The following GRAMD4 variants were observed in gnomAD, a reference collection of about 807,000 sequenced individuals.
The protein encoded by GRAMD4 is GRAM domain-containing protein 4.
GRAMD4 carries 25 observed loss-of-function variants against 83.9 expected under a neutral mutation model. The observed-to-expected ratio is 0.30, with a 90% CI of 0.22 to 0.42. GRAMD4 has a LOEUF of 0.42. Ranked by LOEUF, GRAMD4 falls within the 10% of genes least tolerant of loss-of-function variation. The pLI is 1.00. For synonymous variants in GRAMD4, 336 were observed against 320.9 expected (o/e 1.05, Z -0.50); for missense variants, 593 against 788.7 (o/e 0.75, Z 2.97).
chr22:46,603,201 G>GTTTTTTTTTTT (rs569545888), intron 1 of GRAMD4, among the ~76,000 whole-genome samples: 1 of 89,414 alleles, frequency 1.1e-5, no homozygotes, highest in African/African-American at 4.7e-5. Flanking sequence ...ATCTTCTCTT[G>GTTTTTTTTTTT]TTTTTTTTTT....
At chr22:46,653,851 A>G (rs2082202862) in intron 3 of GRAMD4, among the ~76,000 whole-genome samples, 2 of 152,156 alleles carry the variant, frequency 1.3e-5, no homozygotes, top group African/African-American at 2.4e-5. Context: ...TCCGCCCAAG[A>G]GGCCTGCCGG....
At chr22:46,653,994 G>A (rs933120148) in intron 3 of GRAMD4, among the ~76,000 whole-genome samples, 3 of 152,226 alleles carry the variant, frequency 2.0e-5, no homozygotes, top group Non-Finnish European at 2.9e-5. Context: ...AGCTGGCTCC[G>A]AATTTGGGAC....
At chr22:46,634,551 CA>C (rs1446919348) in intron 2 of GRAMD4, among the ~76,000 whole-genome samples, 1 of 152,202 alleles carries the variant, frequency 6.6e-6, no homozygotes, top group African/African-American at 2.4e-5. Context: ...GGTCCACAGT[CA>C]GGGGTCCTGG....
intron 3 of GRAMD4, among the ~76,000 whole-genome samples, chr22:46,640,828 C>T (rs1234645290): frequency 3.3e-5 from 5 of 150,974 alleles, no homozygotes; most frequent in Admixed American, 2.0e-4. Context: ...CCCGGCCCCC[C>T]GCCCCCCGCC....
rs1409564021 is a variant in GRAMD4, at chr22:46,679,386, GT to G, written c.*2136del. The G allele has an allele frequency of 3.0e-6, 3 of 985,316 alleles. No individual in the cohort carries two copies. The highest frequency in any genetic ancestry group is 3.6e-6 in the Non-Finnish European group (3 of 829,938). The allele number at this position is 985,316 out of a possible 1,614,324, so 61.0% of individuals were successfully genotyped here. On this transcript the variant is annotated 3_prime_UTR_variant, in exon 19 of 19. Coordinates refer to ENST00000406902, the MANE Select transcript of GRAMD4 (RefSeq NM_015124.5). The stretch of plus-strand genomic sequence containing the variant: ...GAGGGCCACATTCGGGGAGCGGGGG[GT>G]CGGGGGAGGGCCACCGACTGGCTCT...
At chr22:46,610,319 G>A (rs945313709) in intron 1 of GRAMD4, among the ~76,000 whole-genome samples, 61 of 152,214 alleles carry the variant, frequency 4.0e-4, no homozygotes, top group Non-Finnish European at 7.8e-4. Flanking sequence ...TTCTGTGAGC[G>A]TTCTTATTCT....
Position 46,668,785 on chromosome 22 carries a change from C to T in GRAMD4, c.975-14C>T, listed in dbSNP as rs763580713. 1.5e-5 allele frequency: 21 copies of T among 1,394,008 alleles called. No homozygotes were observed. The South Asian group carries it at 2.3e-4, about 15-fold the overall frequency. 86.4% of individuals were successfully genotyped at this position (1,394,008 alleles called of 1,614,324 possible). On this transcript the variant is annotated splice_polypyrimidine_tract_variant and intron_variant, in intron 12 of 18. Transcript: ENST00000406902. ...GCGGCGCCCGCCCGGCCTGAGCCTCCCGTCTCCTTCCAGCTTGTTCATGTG... is the reference window on the plus strand; with the variant it reads ...GCGGCGCCCGCCCGGCCTGAGCCTCTCGTCTCCTTCCAGCTTGTTCATGTG...
At chr22:46,666,267 T>C (rs1000888088) in intron 9 of GRAMD4, among the ~76,000 whole-genome samples, 1 of 152,208 alleles carries the variant, frequency 6.6e-6, no homozygotes, top group Non-Finnish European at 1.5e-5. Context: ...GGTGGACCCC[T>C]AGTCCCTGCA....
intron 5 of GRAMD4, among the ~76,000 whole-genome samples, chr22:46,661,733 G>A (rs1262038152): frequency 2.6e-5 from 4 of 152,252 alleles, no homozygotes; most frequent in African/African-American, 4.8e-5. Context: ...GAATACACAC[G>A]TACTCTGTTT....
At chr22:46,634,652 C>A (rs2081831500) in intron 2 of GRAMD4, among the ~76,000 whole-genome samples, 1 of 152,104 alleles carries the variant, frequency 6.6e-6, no homozygotes, top group African/African-American at 2.4e-5. Context: ...TAAAAATATT[C>A]ATAATAGGCT....
intron 1 of GRAMD4, among the ~76,000 whole-genome samples, chr22:46,585,378 C>G (rs767346407): frequency 6.6e-6 from 1 of 152,066 alleles, no homozygotes; most frequent in African/African-American, 2.4e-5. Flanking sequence ...TTAGTAGAGT[C>G]GGAGTTTCTC....
intron 3 of GRAMD4, among the ~76,000 whole-genome samples, chr22:46,643,092 C>G (rs140943162): frequency 9.2e-3 from 14 of 1,522 alleles, no homozygotes; most frequent in South Asian, 0.031. Context: ...TTTATCCATC[C>G]ATCCATCCAT....
chr22:46,638,065 G>A (rs1480805371), intron 3 of GRAMD4, 105 bp downstream of exon 3: 16 of 1,234,242 alleles, frequency 1.3e-5, no homozygotes, highest in Middle Eastern at 2.2e-4. Context: ...GAAGACCCAC[G>A]CAGGCTCCAT....
chr22:46,620,468 A>G lies in GRAMD4; in HGVS notation c.-147A>G. ...GCTGGTGTTGGGCGGCTTGGAGGCT[A>G]TGGTTCCTGGGTCCTCGTAGCACAT... On this transcript the variant is annotated 5_prime_UTR_variant, in exon 1 of 19. The change abolishes an upstream ATG in the 5' untranslated region. Coordinates refer to ENST00000406902, the MANE Select transcript of GRAMD4 (RefSeq NM_015124.5). The surrounding 1 kb of genome is among the most constrained non-coding windows in gnomAD (Gnocchi z 4.7). The G allele has an allele frequency of 3.2e-5, 32 of 984,742 alleles. No homozygotes were observed. The highest frequency in any genetic ancestry group is 3.9e-5 in the Non-Finnish European group (32 of 829,692). 61.0% of individuals were successfully genotyped at this position (984,742 alleles called of 1,614,324 possible). A position where few individuals can be genotyped will look rare whatever the true frequency, so the allele number is the denominator to read the frequency against.
Position 46,626,786 on chromosome 22 carries a change from C to T in GRAMD4, c.-14C>T, listed in dbSNP as rs755133293. The T allele has an allele frequency of 1.2e-6, 2 of 1,613,102 alleles. No homozygotes were observed. Among genetic ancestry groups the T allele is most frequent in the Middle Eastern group, 1.7e-4 (1 of 6,058 alleles). ...CGTCATGTTAGGGTGAAGCAGAGGA[C>T]CTCAGTGCTGAACATGCTAAGGAGG... On this transcript the variant is annotated 5_prime_UTR_variant, in exon 2 of 19. Transcript: ENST00000406902.
intron 1 of GRAMD4, among the ~76,000 whole-genome samples, chr22:46,625,971 G>A (rs1215382863): frequency 6.6e-6 from 1 of 152,262 alleles, no homozygotes; most frequent in Non-Finnish European, 1.5e-5. Context: ...GCAGGCATGG[G>A]GGCTGGGACA....
intron 3 of GRAMD4, among the ~76,000 whole-genome samples, chr22:46,643,743 A>G (rs2082024573): frequency 6.6e-6 from 1 of 152,202 alleles, no homozygotes; most frequent in Non-Finnish European, 1.5e-5. Flanking sequence ...TTCCTCATGA[A>G]GAGACTCAGG....
intron 1 of GRAMD4, among the ~76,000 whole-genome samples, chr22:46,601,291 G>T (rs1780371263): frequency 6.6e-6 from 1 of 152,068 alleles, no homozygotes; most frequent in Non-Finnish European, 1.5e-5. Context: ...GCTGCCAGGG[G>T]GCAAGTGTGG....
intron 1 of GRAMD4, among the ~76,000 whole-genome samples, chr22:46,586,243 A>T (rs1419597435): frequency 6.6e-6 from 1 of 151,998 alleles, no homozygotes; most frequent in East Asian, 1.9e-4. Flanking sequence ...CTTCCTGCTG[A>T]CCGTGTCTCC....
Sources: allele counts gnomAD v4.1 joint callset (sites outside exome capture counted in the v4.1 genomes callset), GRCh38; gene constraint gnomAD v4.1.1; non-coding constraint Gnocchi (gnomAD v3.1); transcripts MANE v1.5; gene names NCBI Gene and HGNC (gene_info 2026-07-23, HGNC 2026-07-21).